The following PCDHA6 variants were observed in gnomAD, a reference collection of about 807,000 sequenced individuals.
The protein encoded by PCDHA6 is protocadherin alpha 6.
A neutral mutation model predicts 60.3 loss-of-function variants in PCDHA6; 55 were observed. The ratio of observed to expected loss-of-function variants is 0.91; its 90% CI spans 0.73 to 1.14. PCDHA6 has a LOEUF of 1.14. Among genes scored for constraint, PCDHA6 ranks in the 50% most tolerant of loss-of-function variants. PCDHA6 has a pLI of 0.00. For missense variants in PCDHA6, 1,327 were observed against 1,256.5 expected (o/e 1.06, Z -0.85); for synonymous variants, 652 against 557.9 (o/e 1.17, Z -2.38).
At position 140,870,948 on chromosome 5, in the gene PCDHA6, C is replaced by T. The variant is rs868931274; in HGVS notation, c.2394+40463C>T. ...CATATGAATTGCAGCCGGCGGCGGG[C>T]GGCTCGCGCATCCCGTTCCGCGTGG... On this transcript the variant is annotated intron_variant, in intron 1 of 3. Coordinates refer to ENST00000529310, the MANE Select transcript of PCDHA6 (RefSeq NM_018909.4). 3.0e-5 allele frequency: 49 copies of T among 1,613,584 alleles called. 1 individual carries two copies. The Middle Eastern group carries it at 7.0e-3, about 229-fold the overall frequency.
chr5:140,942,618 GT>G (rs1372135994), intron 1 of PCDHA6, among the ~76,000 whole-genome samples: 1 of 97,742 alleles, frequency 1.0e-5, no homozygotes, highest in African/African-American at 5.0e-5. Context: ...TTTGCCAATT[GT>G]AAAAAAAAAA....
chr5:140,900,370 T>G (rs983806569), intron 1 of PCDHA6, among the ~76,000 whole-genome samples: 18 of 152,236 alleles, frequency 1.2e-4, no homozygotes, highest in African/African-American at 4.1e-4. Context: ...CTCTGCCTCC[T>G]GGGTTCAAGC....
intron 1 of PCDHA6, among the ~76,000 whole-genome samples, chr5:140,888,278 C>G (rs1204327118): frequency 2.0e-5 from 3 of 151,932 alleles, no homozygotes; most frequent in African/African-American, 7.3e-5. Flanking sequence ...CAGTTTTGTC[C>G]CCTCTACCCC....
At chr5:140,900,073 G>T (rs1490261769) in intron 1 of PCDHA6, among the ~76,000 whole-genome samples, 1 of 152,072 alleles carries the variant, frequency 6.6e-6, no homozygotes, top group African/African-American at 2.4e-5. Flanking sequence ...GCCTCCAAAA[G>T]TGCTGCAGTT....
chr5:140,979,076 C>T, intron 2 of PCDHA6, 69 bp downstream of exon 2: 1 of 1,584,068 alleles, frequency 6.3e-7, no homozygotes, highest in Non-Finnish European at 8.6e-7. Flanking sequence ...AACTGCATCT[C>T]CATAGGCCAG....
chr5:140,911,760 A>T (rs1295639313), intron 1 of PCDHA6, among the ~76,000 whole-genome samples: 1 of 151,962 alleles, frequency 6.6e-6, no homozygotes, highest in Non-Finnish European at 1.5e-5. Flanking sequence ...TCTCCATACT[A>T]TTAGAAGTAC....
chr5:140,886,698 C>G (rs578140955), intron 1 of PCDHA6, among the ~76,000 whole-genome samples: 3 of 151,820 alleles, frequency 2.0e-5, no homozygotes, highest in Non-Finnish European at 4.4e-5. Flanking sequence ...TGGTGGCACG[C>G]GCCTGTAATC....
intron 1 of PCDHA6, chr5:140,876,661 C>T: frequency 1.2e-6 from 2 of 1,614,212 alleles, no homozygotes; most frequent in Non-Finnish European, 1.7e-6. Context: ...TCCCTTCAAG[C>T]TGGTGTCCAC....
At chr5:140,870,435 G>A in intron 1 of PCDHA6, 1 of 1,614,252 alleles carries the variant, frequency 6.2e-7, no homozygotes, top group South Asian at 1.1e-5. Context: ...CCGTGGAGGT[G>A]GCCGACGTGA....
intron 1 of PCDHA6, among the ~76,000 whole-genome samples, chr5:140,941,595 A>G (rs1273931279): frequency 6.6e-6 from 1 of 152,016 alleles, no homozygotes; most frequent in Non-Finnish European, 1.5e-5. Context: ...GATTACAGCC[A>G]TGAGCCATGG....
chr5:140,927,609 C>T (rs1285751413), intron 1 of PCDHA6: 1 of 1,614,076 alleles, frequency 6.2e-7, no homozygotes, highest in Admixed American at 1.7e-5. Flanking sequence ...CCGTATACCG[C>T]ACCAAGGTTC....
At chr5:140,939,629 A>G (rs1250529725) in intron 1 of PCDHA6, among the ~76,000 whole-genome samples, 5 of 152,248 alleles carry the variant, frequency 3.3e-5, no homozygotes, top group African/African-American at 1.2e-4. Context: ...AAGAAAATCA[A>G]TAAGGGTACT....
Position 140,850,629 on chromosome 5 carries a change from G to T in PCDHA6, c.2394+20144G>T, listed in dbSNP as rs2150491518. On this transcript the variant is annotated intron_variant, in intron 1 of 3. Transcript: ENST00000529310. ...CATCTGCGCGGTGTCTAGCCTGTTG[G>T]TTCTCACGCTGCTGCTGTACACTGT... is the stretch of plus-strand genomic sequence containing the variant. 44 of 1,598,620 alleles carry T rather than the reference G, an allele frequency of 2.8e-5. 2 individuals carry two copies. The East Asian group carries it at 9.4e-4, about 34-fold the overall frequency.
intron 3 of PCDHA6, among the ~76,000 whole-genome samples, chr5:140,992,953 C>G (rs1377524442): frequency 5.9e-5 from 9 of 152,172 alleles, no homozygotes; most frequent in African/African-American, 2.2e-4. Flanking sequence ...ATTAAATCAC[C>G]CCTTATACTG....
At chr5:140,876,543 C>T (rs1357446844) in intron 1 of PCDHA6, 10 of 1,614,022 alleles carry the variant, frequency 6.2e-6, no homozygotes, top group African/African-American at 2.7e-5. Context: ...CACTGTCGCT[C>T]CCTGTGCAAG....
intron 2 of PCDHA6, among the ~76,000 whole-genome samples, chr5:140,980,990 G>T (rs1344931215): frequency 6.6e-6 from 1 of 152,116 alleles, no homozygotes. Flanking sequence ...CACACAATTT[G>T]CTAGTAGGAT....
At chr5:140,905,292 G>T (rs1394409672) in intron 1 of PCDHA6, among the ~76,000 whole-genome samples, 1 of 152,114 alleles carries the variant, frequency 6.6e-6, no homozygotes, top group African/African-American at 2.4e-5. Flanking sequence ...CTTGAATAAG[G>T]TGTCCTTTCC....
chr5:140,912,380 G>T (rs2075901164), intron 1 of PCDHA6, among the ~76,000 whole-genome samples: 1 of 150,372 alleles, frequency 6.7e-6, no homozygotes, highest in African/African-American at 2.4e-5. Flanking sequence ...AAAAGGGATT[G>T]AGTTCTTAAT....
chr5:140,878,800 A>T (rs1324441458), intron 1 of PCDHA6, among the ~76,000 whole-genome samples: 1 of 152,182 alleles, frequency 6.6e-6, no homozygotes, highest in Non-Finnish European at 1.5e-5. Context: ...CTTTTTAAAA[A>T]CATATGGGGG....
Sources: allele counts gnomAD v4.1 joint callset (sites outside exome capture counted in the v4.1 genomes callset), GRCh38; gene constraint gnomAD v4.1.1; transcripts MANE v1.5; gene names NCBI Gene and HGNC (gene_info 2026-07-23, HGNC 2026-07-21).